The following TGFBRAP1 variants were observed in gnomAD, a reference collection of about 807,000 sequenced individuals.
The protein encoded by TGFBRAP1 is transforming growth factor beta receptor associated protein 1.
TGFBRAP1 carries 20 observed loss-of-function variants against 83.2 expected under a neutral mutation model. The ratio of observed to expected loss-of-function variants is 0.24; its 90% CI spans 0.17 to 0.35. The LOEUF (loss-of-function observed/expected upper bound fraction) is 0.35, where lower values mean the gene tolerates loss of function less well. Ranked by LOEUF, TGFBRAP1 falls within the 10% of genes least tolerant of loss-of-function variation. The pLI is 1.00. For missense variants in TGFBRAP1, 950 were observed against 1,099.4 expected, an observed-to-expected ratio of 0.86 and a Z score of 1.92; for synonymous variants, 415 against 459.8, an observed-to-expected ratio of 0.90 and a Z score of 1.25.
chr2:105,271,377 G>A (rs746885326), intron 10 of TGFBRAP1, among the ~76,000 whole-genome samples: 22 of 152,370 alleles, frequency 1.4e-4, no homozygotes, highest in Middle Eastern at 6.8e-3. Flanking sequence ...TAAGTCAGGA[G>A]TGAGTAAAAA....
chr2:105,314,709 G>A (rs1678797629), intron 1 of TGFBRAP1, among the ~76,000 whole-genome samples: 1 of 151,800 alleles, frequency 6.6e-6, no homozygotes, highest in Non-Finnish European at 1.5e-5. Flanking sequence ...AGCATGTTGG[G>A]AGGCCAAGGC....
At position 105,270,222 on chromosome 2, in the gene TGFBRAP1, A is replaced by G. The variant is rs532275881; in HGVS notation, c.1973-517T>C. ...TATGAGCTCATATTATTCAAAATCC[A>G]TCTCTACATTACTCAACAGAAGGTT... On this transcript the variant is annotated intron_variant, in intron 10 of 11. Transcript: ENST00000393359. 2.6e-5 allele frequency among the ~76,000 whole-genome samples: 4 copies of G among 152,342 alleles called. No individual in the cohort carries two copies. The East Asian group carries it at 5.8e-4, about 22-fold the overall frequency.
At chr2:105,297,987 G>A (rs1300645094) in intron 3 of TGFBRAP1, among the ~76,000 whole-genome samples, 1 of 152,144 alleles carries the variant, frequency 6.6e-6, no homozygotes, top group Middle Eastern at 3.2e-3. Context: ...CCATACACAC[G>A]AAATGAAGTC....
chr2:105,293,136 A>G (rs1677970534), intron 4 of TGFBRAP1, among the ~76,000 whole-genome samples: 1 of 152,218 alleles, frequency 6.6e-6, no homozygotes, highest in Non-Finnish European at 1.5e-5. Context: ...CAAAGGGGGC[A>G]TCCGTGCTTT....
intron 7 of TGFBRAP1, among the ~76,000 whole-genome samples, chr2:105,276,402 C>A (rs1287257575): frequency 6.6e-6 from 1 of 152,102 alleles, no homozygotes; most frequent in Non-Finnish European, 1.5e-5. Flanking sequence ...CCCACCCATA[C>A]ACAGCACCAC....
chr2:105,275,577 G>C lies in TGFBRAP1; in HGVS notation c.1648C>G (p.Leu550Val), dbSNP rs1449532026. The part of the protein sequence containing the change: ...ELVWAYADWV[L>V]QKSEEVGVQV... Reference sequence around the variant, plus strand: ...GCACAAACCTCTTCACTTTTCTGCAGGACCCAATCAGCATAGGCCCACACT... The same window carrying C: ...GCACAAACCTCTTCACTTTTCTGCACGACCCAATCAGCATAGGCCCACACT... The change falls in exon 8 of 12, where the codon CTG becomes GTG. Residue 550 changes from leucine to valine, a missense_variant. Transcript: ENST00000393359. The C allele has an allele frequency of 3.1e-6, 5 of 1,613,806 alleles. No homozygotes were observed. The African/African-American group carries it at 6.7e-5, about 22-fold the overall frequency.
In TGFBRAP1 at chr2:105,269,726, C is replaced by G; in HGVS notation, c.1973-21G>C. 6.7e-7 allele frequency: 1 copy of G among 1,492,958 alleles called. No individual in the cohort carries two copies. The highest frequency in any genetic ancestry group is 8.9e-7 in the Non-Finnish European group (1 of 1,123,492). 92.5% of individuals were successfully genotyped at this position (1,492,958 alleles called of 1,614,324 possible). On this transcript the variant is annotated intron_variant, in intron 10 of 11. Transcript: ENST00000393359. This position sits in a 1 kb window ranked among gnomAD's most constrained non-coding sequence, Gnocchi z 4.1. ...CCTCTCTGCAAGACAGAACCTGCAG[C>G]TCAGAAAGAAAGGGGCTCGCCGGCC...
At chr2:105,256,597 T>A in the TGFBRAP1 span, among the ~76,000 whole-genome samples, 2 of 152,180 alleles carry the variant, frequency 1.3e-5, no homozygotes, top group African/African-American at 4.8e-5. Flanking sequence ...GAGTACACAG[T>A]CAAAAACTCA....
intron 9 of TGFBRAP1, 104 bp downstream of exon 9, chr2:105,273,440 C>T (rs1677228238): frequency 4.8e-6 from 7 of 1,470,840 alleles, no homozygotes; most frequent in African/African-American, 4.2e-5. Flanking sequence ...ACGGATGGAT[C>T]ACCCAGGGAA....
At chr2:105,276,057 A>C (rs1024544106) in intron 7 of TGFBRAP1, among the ~76,000 whole-genome samples, 1 of 152,200 alleles carries the variant, frequency 6.6e-6, no homozygotes, top group African/African-American at 2.4e-5. Flanking sequence ...CTCGACACAG[A>C]GAAGATTCAC....
chr2:105,322,318 C>T (rs1679093173), intron 1 of TGFBRAP1, among the ~76,000 whole-genome samples: 1 of 152,148 alleles, frequency 6.6e-6, no homozygotes, highest in Non-Finnish European at 1.5e-5. Context: ...CAAAAAGTTA[C>T]AGTAAGCTCA....
At chr2:105,311,065 A>G (rs1189931886) in intron 1 of TGFBRAP1, among the ~76,000 whole-genome samples, 7 of 151,824 alleles carry the variant, frequency 4.6e-5, no homozygotes, top group Admixed American at 3.9e-4. Context: ...GCAGTAAAGA[A>G]TATTATAGAA....
At chr2:105,305,346 T>C (rs1213801662) in intron 2 of TGFBRAP1, among the ~76,000 whole-genome samples, 3 of 152,146 alleles carry the variant, frequency 2.0e-5, no homozygotes, top group Non-Finnish European at 2.9e-5. Context: ...AAAATACCAG[T>C]GTTAAAAGGA....
Position 105,267,639 on chromosome 2 carries a change from T to C in TGFBRAP1, c.2407-80A>G, listed in dbSNP as rs1265542091. Reference sequence around the variant, plus strand: ...TGGCTACGTTCTAGTTTTGCAGAGTTGACATGCATTACTCCATGGGTTATT... The same window carrying C: ...TGGCTACGTTCTAGTTTTGCAGAGTCGACATGCATTACTCCATGGGTTATT... On this transcript the variant is annotated intron_variant, in intron 11 of 11. Coordinates refer to ENST00000393359, the MANE Select transcript of TGFBRAP1 (RefSeq NM_004257.6). The C allele has an allele frequency of 4.4e-6, 7 of 1,578,874 alleles. No homozygotes were observed. In the Admixed American group the frequency reaches 8.6e-5, roughly 19 times the overall value.
intron 5 of TGFBRAP1, 39 bp downstream of exon 5, chr2:105,284,277 C>T: frequency 1.3e-6 from 2 of 1,586,790 alleles, no homozygotes; most frequent in South Asian, 1.1e-5. Flanking sequence ...CACAGAGGGA[C>T]ACTGTAGTGG....
intron 4 of TGFBRAP1, among the ~76,000 whole-genome samples, chr2:105,293,000 TAA>T (rs1323371120): frequency 2.8e-5 from 4 of 143,866 alleles, no homozygotes; most frequent in African/African-American, 7.7e-5. Context: ...CCCTAAGGAT[TAA>T]AAAAAAAAAG....
intron 10 of TGFBRAP1, 95 bp downstream of exon 10, chr2:105,272,760 A>G: frequency 6.7e-7 from 1 of 1,495,876 alleles, no homozygotes; most frequent in Non-Finnish European, 9.1e-7. Flanking sequence ...CTGTGCAATC[A>G]ACCAGCAGCT....
chr2:105,290,851 A>G (rs1339561474), intron 4 of TGFBRAP1, among the ~76,000 whole-genome samples: 1 of 152,028 alleles, frequency 6.6e-6, no homozygotes, highest in Non-Finnish European at 1.5e-5. Context: ...CTGAAAATAC[A>G]AAAAATTAGC....
At chr2:105,304,111 C>T (rs1025049266) in intron 2 of TGFBRAP1, among the ~76,000 whole-genome samples, 3 of 152,110 alleles carry the variant, frequency 2.0e-5, no homozygotes, top group Non-Finnish European at 4.4e-5. Flanking sequence ...GGAAATATGA[C>T]ACATCTACAT....
Sources: allele counts gnomAD v4.1 joint callset (sites outside exome capture counted in the v4.1 genomes callset), GRCh38; gene constraint gnomAD v4.1.1; non-coding constraint Gnocchi (gnomAD v3.1); transcripts MANE v1.5; gene names NCBI Gene and HGNC (gene_info 2026-07-23, HGNC 2026-07-21).